MCF2: variants seen among roughly 807,000 people sequenced by gnomAD.
MCF2 encodes MCF.2 cell line derived transforming sequence, also known as proto-oncogene DBL.
A neutral mutation model predicts 82.5 loss-of-function variants in MCF2; 44 were observed. The observed-to-expected ratio is 0.53, with a 90% CI of 0.42 to 0.69. The LOEUF is 0.69. Ranked by LOEUF, MCF2 falls within the 30% of genes least tolerant of loss-of-function variation. The pLI is 0.00. For missense variants in MCF2, 623 were observed against 663.1 expected (o/e 0.94, Z 0.66); for synonymous variants, 217 against 224.9 (o/e 0.96, Z 0.32).
At chrX:139,701,105 G>C (rs190608402) in intron 1 of MCF2, among the ~76,000 whole-genome samples, 20 of 111,812 alleles carry the variant, frequency 1.8e-4, no homozygotes, top group African/African-American at 6.2e-4. Flanking sequence ...AGGCCCTCTG[G>C]AGGGAAAAAC....
At chrX:139,693,444 G>A in intron 1 of MCF2, among the ~76,000 whole-genome samples, 1 of 106,969 alleles carries the variant, frequency 9.3e-6, no homozygotes, top group Non-Finnish European at 1.9e-5. Flanking sequence ...GAGGAAAGTG[G>A]GGATAGGCAA....
intron 1 of MCF2, among the ~76,000 whole-genome samples, chrX:139,705,004 GC>G (rs1188889459): frequency 1.8e-5 from 2 of 111,636 alleles, no homozygotes; most frequent in Non-Finnish European, 3.8e-5. Context: ...ACACTATAAA[GC>G]CACAGTAAAC....
chrX:139,653,460 G>T (rs952840684), intron 1 of MCF2, among the ~76,000 whole-genome samples: 1 of 111,716 alleles, frequency 9.0e-6, no homozygotes, highest in African/African-American at 3.3e-5. Flanking sequence ...GTATTAATAT[G>T]AACAACTTGA....
At chrX:139,647,712 A>G (rs1933850594), upstream of MCF2, among the ~76,000 whole-genome samples, 1 of 111,536 alleles carries the variant, frequency 9.0e-6, no homozygotes, top group Non-Finnish European at 1.9e-5. Context: ...TGATTGCACC[A>G]GCTCTGGGCT....
intron 13 of MCF2, 50 bp downstream of exon 17, chrX:139,605,663 C>T: frequency 1.9e-6 from 2 of 1,060,318 alleles, no homozygotes; most frequent in Middle Eastern, 2.5e-4. Flanking sequence ...ATGAATGTAG[C>T]AAGGGATCAT....
In MCF2 at chrX:139,642,770, C is replaced by A. The variant is rs2206575; in HGVS notation, c.-252G>T. 2,707 of 1,031,317 alleles carry A rather than the reference C, an allele frequency of 2.6e-3. 37 individuals are homozygous for A. The African/African-American group carries it at 0.047, about 18-fold the overall frequency. The allele number at this position is 1,031,317 out of a possible 1,213,427, so 85.0% of individuals were successfully genotyped here. On this transcript the variant is annotated 5_prime_UTR_variant, in exon 1 of 25. Transcript: ENST00000370576. The stretch of plus-strand genomic sequence containing the variant: ...TGTAATTCAGAGTTAACACATTCCT[C>A]CAATTACTTAGCCTGATTGAACCTT...
intron 1 of MCF2, 76 bp from the exon 5 acceptor site, chrX:139,632,530 A>G (rs1932981583): frequency 5.8e-6 from 5 of 868,791 alleles, no homozygotes; most frequent in South Asian, 3.3e-5. Flanking sequence ...ATCAGAAAAT[A>G]TGTAACTGAA....
rs775899985 is a variant in MCF2, at chrX:139,675,688, C to T, written c.-44-23900G>A. On this transcript the variant is annotated intron_variant, in intron 1 of 27. Transcript: ENST00000414978. ...AAATATTGATGCCTGATCCTTCCTC[C>T]GGAAGCTTTGTCCCAGAGGGGCACC... is the stretch of plus-strand genomic sequence containing the variant. 1.8e-4 allele frequency among the ~76,000 whole-genome samples: 20 copies of T among 111,997 alleles called. 1 individual carries two copies. In the South Asian group the frequency reaches 2.6e-3, roughly 15 times the overall value.
chrX:139,619,721 C>T lies in MCF2; in HGVS notation c.688-15G>A. On this transcript the variant is annotated splice_polypyrimidine_tract_variant and intron_variant, in intron 6 of 24. Coordinates refer to ENST00000370576, the Ensembl canonical transcript of MCF2. ...TCAGTCACAAGCTAAAAATACGAAA[C>T]AAAGAGGTTTTAAAAACATAAAATT... The T allele has an allele frequency of 9.0e-7, 1 of 1,106,643 alleles. No homozygotes were observed. The highest frequency in any genetic ancestry group is 1.2e-6 in the Non-Finnish European group (1 of 840,215). The allele number at this position is 1,106,643 out of a possible 1,213,427, so 91.2% of individuals were successfully genotyped here.
At chrX:139,605,555 C>T (rs186672016) in intron 13 of MCF2, among the ~76,000 whole-genome samples, 158 bp downstream of exon 17, 5 of 110,879 alleles carry the variant, frequency 4.5e-5, no homozygotes, top group East Asian at 2.8e-4. Flanking sequence ...CACGTTTAAC[C>T]GACATGCTGC....
intron 16 of MCF2, among the ~76,000 whole-genome samples, chrX:139,599,526 TA>T (rs1480623198): frequency 9.0e-6 from 1 of 110,703 alleles, no homozygotes; most frequent in Non-Finnish European, 1.9e-5. Context: ...ATTTATGTTA[TA>T]AACATCTCTT....
intron 1 of MCF2, chrX:139,692,036 G>C: frequency 8.6e-7 from 1 of 1,166,571 alleles, no homozygotes; most frequent in African/African-American, 1.8e-5. Flanking sequence ...CTATCGGCAT[G>C]AAAGTGCAGC....
At chrX:139,668,886 A>T (rs952879066) in intron 1 of MCF2, among the ~76,000 whole-genome samples, 6 of 111,058 alleles carry the variant, frequency 5.4e-5, no homozygotes, top group African/African-American at 1.3e-4. Flanking sequence ...TATATATATA[A>T]AAATTAACTA....
Position 139,689,257 on chromosome X carries a change from T to C in MCF2, c.-45+18849A>G, listed in dbSNP as rs183274769. Among the ~76,000 whole-genome samples, 50 of 112,070 alleles carry C rather than the reference T, an allele frequency of 4.5e-4. No individual in the cohort carries two copies. In the East Asian group the frequency reaches 0.014, roughly 32 times the overall value. On this transcript the variant is annotated intron_variant, in intron 1 of 27. Coordinates refer to the MCF2 transcript ENST00000414978. ...TCCACGGCATAAGCCACACACTGAA[T>C]CCTCCACACAACTTGGATGATCTTT...
chrX:139,588,879 G>A lies in MCF2; in HGVS notation c.2371-441C>T, dbSNP rs1406806878. Among the ~76,000 whole-genome samples, 13 of 107,585 alleles carry A rather than the reference G, an allele frequency of 1.2e-4. No homozygotes were observed. The East Asian group carries it at 2.3e-3, about 19-fold the overall frequency. The allele number at this position is 107,585 out of a possible 115,157, so 93.4% of individuals were successfully genotyped here. The stretch of plus-strand genomic sequence containing the variant: ...TGGGAGGCAGAGGTTGAAGTGAGCC[G>A]AGATCACACCACTGCACTCCAGCCT... On this transcript the variant is annotated intron_variant, in intron 20 of 24. Coordinates refer to ENST00000370576, the Ensembl canonical transcript of MCF2.
intron 1 of MCF2, among the ~76,000 whole-genome samples, chrX:139,678,135 C>T (rs1465680258): frequency 3.6e-5 from 4 of 111,891 alleles, no homozygotes; most frequent in Non-Finnish European, 7.5e-5. Context: ...TGCACTACAG[C>T]TTGGGTGACA....
intron 1 of MCF2, 35 bp from the exon 2 acceptor site, chrX:139,651,823 T>C (rs1319786731): frequency 2.3e-6 from 2 of 873,324 alleles, no homozygotes; most frequent in Non-Finnish European, 3.3e-6. Flanking sequence ...ATGACATACA[T>C]GTTAAGGTAC....
chrX:139,636,729 G>A (rs1164800691), intron 1 of MCF2, among the ~76,000 whole-genome samples: 1 of 111,928 alleles, frequency 8.9e-6, no homozygotes, highest in Non-Finnish European at 1.9e-5. Context: ...AAAGGAGAGA[G>A]AAGGAAAATC....
chrX:139,597,977 A>G (rs186679996), intron 17 of MCF2, among the ~76,000 whole-genome samples: 48 of 111,897 alleles, frequency 4.3e-4, no homozygotes, highest in African/African-American at 1.4e-3. Flanking sequence ...AACAAGCCAT[A>G]TTGTATTTAT....
Sources: allele counts gnomAD v4.1 joint callset (sites outside exome capture counted in the v4.1 genomes callset), GRCh38; gene constraint gnomAD v4.1.1; transcripts MANE v1.5; gene names NCBI Gene and HGNC (gene_info 2026-07-23, HGNC 2026-07-21).